AFF2: variants seen among roughly 807,000 people sequenced by gnomAD.
AFF2 encodes the protein AF4/FMR2 family member 2.
Under a neutral mutation model 76.9 loss-of-function variants are expected in AFF2, and 14 were observed. The ratio of observed to expected loss-of-function variants is 0.18; its 90% CI spans 0.12 to 0.28. AFF2 has a LOEUF of 0.28. AFF2 is among the 10% of genes least tolerant of loss of function. AFF2 has a pLI of 1.00. For missense variants in AFF2, 868 were observed against 1,001.1 expected, an observed-to-expected ratio of 0.87 and a Z score of 1.79; for synonymous variants, 398 against 366.7, an observed-to-expected ratio of 1.09 and a Z score of -0.98.
At chrX:148,965,960 G>A (rs1224761047) in intron 13 of AFF2, among the ~76,000 whole-genome samples, 1 of 111,621 alleles carries the variant, frequency 9.0e-6, no homozygotes, top group African/African-American at 3.3e-5. Context: ...GGGGGCGGGA[G>A]GGCAGAGTCA....
Position 148,541,454 on chromosome X carries a change from G to T in AFF2, c.47+40310G>T, listed in dbSNP as rs143506556. ...GCCTCTATTATTCGCTGGGGAGTGTGGCCATTAATGAAGCCATTAGCTGAG... is the reference window on the plus strand; with the variant it reads ...GCCTCTATTATTCGCTGGGGAGTGTTGCCATTAATGAAGCCATTAGCTGAG... On this transcript the variant is annotated intron_variant, in intron 1 of 20. Coordinates refer to ENST00000370460, the MANE Select transcript of AFF2 (RefSeq NM_002025.4). Among the ~76,000 whole-genome samples the T allele has an allele frequency of 3.8e-3, 424 of 111,318 alleles. 1 individual carries two copies. The highest frequency in any genetic ancestry group is 6.5e-3 in the Non-Finnish European group (345 of 53,016).
chrX:148,829,531 C>T (rs2124658179), intron 4 of AFF2, among the ~76,000 whole-genome samples: 1 of 111,915 alleles, frequency 8.9e-6, no homozygotes, highest in African/African-American at 3.2e-5. Flanking sequence ...ATGTTTCCCC[C>T]ACCCCATCCC....
At chrX:148,852,118 A>G (rs1387824477) in intron 7 of AFF2, among the ~76,000 whole-genome samples, 4 of 111,065 alleles carry the variant, frequency 3.6e-5, no homozygotes, top group Non-Finnish European at 5.7e-5. Context: ...TCTTTATACA[A>G]TCTGTCTTTG....
intron 19 of AFF2, among the ~76,000 whole-genome samples, chrX:148,983,715 C>T (rs1242567914): frequency 2.7e-5 from 3 of 109,369 alleles, no homozygotes; most frequent in Non-Finnish European, 5.7e-5. Context: ...CTATCATTCC[C>T]CAAATATTTA....
At chrX:148,941,065 G>T (rs1213776309) in intron 9 of AFF2, among the ~76,000 whole-genome samples, 1 of 111,827 alleles carries the variant, frequency 8.9e-6, no homozygotes, top group Admixed American at 9.5e-5. Context: ...TAAGATGTCA[G>T]CTTTAAATAT....
At chrX:148,761,475 T>G (rs782138961) in intron 3 of AFF2, among the ~76,000 whole-genome samples, 14 of 108,833 alleles carry the variant, frequency 1.3e-4, no homozygotes, top group East Asian at 2.9e-4. Flanking sequence ...TTGTTTTTTT[T>G]TTTTTTTCAT....
At chrX:148,671,656 C>G (rs781943982) in intron 3 of AFF2, among the ~76,000 whole-genome samples, 1 of 111,441 alleles carries the variant, frequency 9.0e-6, no homozygotes, top group Non-Finnish European at 1.9e-5. Flanking sequence ...TGAGCCCTGC[C>G]GGCACACATT....
chrX:148,738,814 G>A (rs930955340), intron 3 of AFF2, among the ~76,000 whole-genome samples: 2 of 111,538 alleles, frequency 1.8e-5, no homozygotes, highest in Non-Finnish European at 3.8e-5. Context: ...TTGATAGGTT[G>A]TGTCATTATT....
At chrX:148,855,884 C>T (rs1439021339) in intron 7 of AFF2, among the ~76,000 whole-genome samples, 1 of 111,957 alleles carries the variant, frequency 8.9e-6, no homozygotes, top group East Asian at 2.8e-4. Flanking sequence ...GTGCCTGGTA[C>T]GTAGGAATTT....
intron 1 of AFF2, among the ~76,000 whole-genome samples, chrX:148,562,471 T>C (rs1557240836): frequency 1.8e-5 from 2 of 111,788 alleles, no homozygotes; most frequent in African/African-American, 6.5e-5. Flanking sequence ...CAAAAGATTC[T>C]AAACCTCACT....
At chrX:148,736,037 T>A (rs2055280830) in intron 3 of AFF2, among the ~76,000 whole-genome samples, 1 of 112,368 alleles carries the variant, frequency 8.9e-6, no homozygotes. Flanking sequence ...TTTGGGTTTG[T>A]TCCATGATTT....
chrX:148,698,797 G>GTTTTTTTTTTTT (rs142604433), intron 3 of AFF2, among the ~76,000 whole-genome samples: 3 of 71,713 alleles, frequency 4.2e-5, no homozygotes, highest in South Asian at 8.2e-4. Flanking sequence ...GAGTTCTAGT[G>GTTTTTTTTTTTT]TTTTTTTTTT....
intron 3 of AFF2, among the ~76,000 whole-genome samples, chrX:148,732,993 T>G (rs2055245531): frequency 9.0e-6 from 1 of 111,311 alleles, no homozygotes; most frequent in African/African-American, 3.3e-5. Flanking sequence ...GATTTGATCT[T>G]TGGTCAAGAG....
At chrX:148,882,901 T>A (rs1557278651) in intron 7 of AFF2, among the ~76,000 whole-genome samples, 1 of 111,856 alleles carries the variant, frequency 8.9e-6, no homozygotes, top group African/African-American at 3.3e-5. Context: ...AGTTACTTCT[T>A]TGACTTGTGT....
chrX:148,782,632 T>A (rs1458770434), intron 3 of AFF2, among the ~76,000 whole-genome samples: 1 of 112,166 alleles, frequency 8.9e-6, no homozygotes, highest in Non-Finnish European at 1.9e-5. Flanking sequence ...AAATAATATT[T>A]TATTTTATTA....
intron 3 of AFF2, among the ~76,000 whole-genome samples, chrX:148,701,754 A>C (rs2054802818): frequency 1.8e-5 from 2 of 111,771 alleles, no homozygotes; most frequent in African/African-American, 6.5e-5. Flanking sequence ...TTGGCACTTA[A>C]ATTGATTTTA....
chrX:148,920,310 G>C (rs1323154089), intron 9 of AFF2, among the ~76,000 whole-genome samples: 1 of 111,822 alleles, frequency 8.9e-6, no homozygotes, highest in Non-Finnish European at 1.9e-5. Flanking sequence ...CATCATGTTA[G>C]TTTATCCTGA....
At chrX:148,763,703 A>G (rs1454492848) in intron 3 of AFF2, among the ~76,000 whole-genome samples, 1 of 112,132 alleles carries the variant, frequency 8.9e-6, no homozygotes, top group East Asian at 2.8e-4. Context: ...TATTTTTATG[A>G]AGTGGCACAG....
chrX:148,885,649 A>T (rs1452981930), intron 7 of AFF2, among the ~76,000 whole-genome samples: 1 of 111,635 alleles, frequency 9.0e-6, no homozygotes, highest in Non-Finnish European at 1.9e-5. Context: ...GGAGATGCTG[A>T]AATAGTATTT....
Sources: gnomAD v4.1 joint callset for allele counts (sites outside exome capture counted in the v4.1 genomes callset) on GRCh38, gnomAD v4.1.1 for gene constraint, MANE v1.5 for transcripts, NCBI Gene and HGNC (gene_info 2026-07-23, HGNC 2026-07-21) for gene names.